The following CWC27 variants were observed in gnomAD, a reference collection of about 807,000 sequenced individuals.
CWC27 encodes the protein CWC27 spliceosome associated cyclophilin.
CWC27 carries 47 observed loss-of-function variants against 63.6 expected under a neutral mutation model. The observed-to-expected ratio is 0.74, with a 90% CI of 0.58 to 0.94. The LOEUF (loss-of-function observed/expected upper bound fraction) is 0.94. CWC27 is among the 40% of genes least tolerant of loss of function. The pLI, the probability that CWC27 is intolerant of heterozygous loss-of-function variation, is 0.00. For missense variants in CWC27, 495 were observed against 554.3 expected, an observed-to-expected ratio of 0.89 and a Z score of 1.07; for synonymous variants, 175 against 179.8, an observed-to-expected ratio of 0.97 and a Z score of 0.22.
At chr5:64,789,999 G>T (rs980668452) in intron 7 of CWC27, among the ~76,000 whole-genome samples, 3 of 151,986 alleles carry the variant, frequency 2.0e-5, no homozygotes, top group African/African-American at 7.2e-5. Context: ...AGTGAGCACG[G>T]TTTTGCAGGC....
intron 10 of CWC27, among the ~76,000 whole-genome samples, chr5:64,850,643 A>G (rs1050175189): frequency 6.6e-6 from 1 of 152,214 alleles, no homozygotes; most frequent in Non-Finnish European, 1.5e-5. Flanking sequence ...TCGGGAAAAA[A>G]ATATTTGCAA....
chr5:64,770,214 A>G (rs1032687860), intron 1 of CWC27, among the ~76,000 whole-genome samples: 7 of 152,240 alleles, frequency 4.6e-5, no homozygotes, highest in Non-Finnish European at 1.0e-4. Context: ...CAAAAATGTA[A>G]TGGATATTTT....
intron 11 of CWC27, among the ~76,000 whole-genome samples, chr5:64,944,436 C>T (rs1748548198): frequency 6.6e-6 from 1 of 152,060 alleles, no homozygotes; most frequent in Non-Finnish European, 1.5e-5. Flanking sequence ...GTTTACTTGG[C>T]CTCTAGTTTT....
At chr5:65,004,575 T>C (rs1232762709) in intron 13 of CWC27, among the ~76,000 whole-genome samples, 1 of 151,528 alleles carries the variant, frequency 6.6e-6, no homozygotes, top group Non-Finnish European at 1.5e-5. Context: ...TCGTTGAATT[T>C]TTCATTCAGA....
At chr5:64,843,469 T>C (rs1008629198) in intron 10 of CWC27, among the ~76,000 whole-genome samples, 1 of 152,234 alleles carries the variant, frequency 6.6e-6, no homozygotes, top group East Asian at 1.9e-4. Context: ...TTTGAAGTGT[T>C]AATGCATTTT....
At chr5:64,819,463 G>A (rs532210120) in intron 10 of CWC27, among the ~76,000 whole-genome samples, 110 of 152,074 alleles carry the variant, frequency 7.2e-4, no homozygotes, top group African/African-American at 2.6e-3. Flanking sequence ...GTTGTAGGAG[G>A]GACCCAGTGG....
chr5:64,795,997 TTGTG>T, intron 7 of CWC27, among the ~76,000 whole-genome samples: 1 of 133,758 alleles, frequency 7.5e-6, no homozygotes, highest in South Asian at 2.5e-4. Context: ...TAAAAAGAAA[TTGTG>T]CGTGTGTGTG....
intron 10 of CWC27, among the ~76,000 whole-genome samples, chr5:64,883,884 T>C (rs1366393956): frequency 6.6e-6 from 1 of 152,138 alleles, no homozygotes; most frequent in African/African-American, 2.4e-5. Context: ...GTGTTTGAAA[T>C]TGTAAAAGAG....
At chr5:64,961,130 A>G (rs943119917) in intron 11 of CWC27, among the ~76,000 whole-genome samples, 2 of 152,222 alleles carry the variant, frequency 1.3e-5, no homozygotes, top group African/African-American at 4.8e-5. Context: ...TCCTAGGGAA[A>G]GGATAAGGGA....
At chr5:64,995,162 G>C (rs185604833) in intron 13 of CWC27, among the ~76,000 whole-genome samples, 3 of 152,180 alleles carry the variant, frequency 2.0e-5, no homozygotes, top group African/African-American at 7.2e-5. Context: ...AGTAGAGACA[G>C]GGTTTCACCA....
chr5:64,859,670 AGAGATC>A (rs1159705740), intron 10 of CWC27, among the ~76,000 whole-genome samples: 4 of 152,182 alleles, frequency 2.6e-5, no homozygotes, highest in Non-Finnish European at 5.9e-5. Context: ...TAAAAACTAA[AGAGATC>A]ATTTATATCA....
intron 7 of CWC27, 60 bp from the exon 8 acceptor site, chr5:64,800,188 T>C: frequency 8.6e-7 from 1 of 1,161,076 alleles, no homozygotes; most frequent in East Asian, 2.4e-5. Context: ...ATTTGTTAAC[T>C]TGTTATTTAG....
chr5:64,872,189 A>G (rs183289500), intron 10 of CWC27, among the ~76,000 whole-genome samples: 1 of 152,260 alleles, frequency 6.6e-6, no homozygotes, highest in African/African-American at 2.4e-5. Flanking sequence ...GGAGAAGGGA[A>G]GTGGAAGAGA....
intron 10 of CWC27, among the ~76,000 whole-genome samples, chr5:64,863,902 A>G (rs921168486): frequency 1.3e-5 from 2 of 152,152 alleles, no homozygotes; most frequent in African/African-American, 4.8e-5. Context: ...TTTGCCATCC[A>G]TTGGTGATTC....
chr5:64,931,727 C>G (rs958140737), intron 11 of CWC27, among the ~76,000 whole-genome samples: 5 of 151,902 alleles, frequency 3.3e-5, no homozygotes, highest in Non-Finnish European at 1.5e-5. Context: ...TATATAGCCA[C>G]TAAAAATAAT....
intron 11 of CWC27, among the ~76,000 whole-genome samples, chr5:64,948,224 G>A (rs1350488091): frequency 1.3e-5 from 2 of 151,960 alleles, no homozygotes; most frequent in Non-Finnish European, 2.9e-5. Flanking sequence ...GTGTATCTCA[G>A]TCAGCACTTT....
intron 10 of CWC27, among the ~76,000 whole-genome samples, chr5:64,829,408 A>C (rs528695330): frequency 7.9e-5 from 12 of 152,240 alleles, no homozygotes; most frequent in African/African-American, 2.6e-4. Context: ...CAATTTGAAA[A>C]ATTTAATTTG....
intron 11 of CWC27, among the ~76,000 whole-genome samples, chr5:64,901,003 T>G (rs938271534): frequency 6.6e-6 from 1 of 152,100 alleles, no homozygotes; most frequent in Non-Finnish European, 1.5e-5. Flanking sequence ...TTGTGATTTT[T>G]TTTTTTTAGC....
chr5:65,006,594 G>T (rs1332599226), intron 13 of CWC27, among the ~76,000 whole-genome samples: 1 of 151,814 alleles, frequency 6.6e-6, no homozygotes, highest in Admixed American at 6.6e-5. Context: ...CTTAATTTTT[G>T]ACAAAAACCA....
Sources: gnomAD v4.1 joint callset for allele counts (sites outside exome capture counted in the v4.1 genomes callset) on GRCh38, gnomAD v4.1.1 for gene constraint, MANE v1.5 for transcripts, NCBI Gene and HGNC (gene_info 2026-07-23, HGNC 2026-07-21) for gene names.